Variants in RBMS1 observed in about 807,000 individuals in gnomAD.
RBMS1 encodes RNA-binding motif, single-stranded-interacting protein 1.
Under a neutral mutation model 62.3 loss-of-function variants are expected in RBMS1, and 17 were observed. That is an observed-to-expected ratio of 0.27 (90% CI 0.19 to 0.41). The LOEUF (loss-of-function observed/expected upper bound fraction) is 0.41, where lower values mean the gene tolerates loss of function less well. Ranked by LOEUF, RBMS1 falls within the 10% of genes least tolerant of loss-of-function variation. The pLI is 1.00. For synonymous variants in RBMS1, 172 were observed against 170.0 expected (o/e 1.01, Z -0.09); for missense variants, 334 against 504.5 (o/e 0.66, Z 3.24).
intron 1 of RBMS1, among the ~76,000 whole-genome samples, chr2:160,444,879 A>C (rs541269809): frequency 1.1e-4 from 16 of 152,326 alleles, no homozygotes; most frequent in African/African-American, 3.8e-4. Context: ...CAAGCCAGGA[A>C]GAGCCCTCAC....
chr2:160,487,500 C>T (rs1417428776), intron 1 of RBMS1, among the ~76,000 whole-genome samples: 2 of 152,192 alleles, frequency 1.3e-5, no homozygotes, highest in Non-Finnish European at 2.9e-5. Context: ...GAATGATGTA[C>T]TGGGGTCACT....
intron 1 of RBMS1, among the ~76,000 whole-genome samples, chr2:160,391,636 C>T (rs528749119): frequency 6.6e-6 from 1 of 152,150 alleles, no homozygotes; most frequent in Non-Finnish European, 1.5e-5. Context: ...GGCCTTCTGT[C>T]TCACCACTTC....
intron 1 of RBMS1, among the ~76,000 whole-genome samples, chr2:160,467,583 G>A (rs1278939793): frequency 6.6e-6 from 1 of 152,102 alleles, no homozygotes; most frequent in East Asian, 1.9e-4. Context: ...AAGCTTTTTG[G>A]TCCCACTGGC....
intron 1 of RBMS1, among the ~76,000 whole-genome samples, chr2:160,416,708 T>A (rs1325930641): frequency 1.3e-5 from 2 of 152,116 alleles, no homozygotes; most frequent in Non-Finnish European, 2.9e-5. Flanking sequence ...GTGGAAAGAA[T>A]TATTAAGGGC....
chr2:160,371,405 T>C (rs1242914047), intron 1 of RBMS1, among the ~76,000 whole-genome samples: 2 of 152,170 alleles, frequency 1.3e-5, no homozygotes, highest in Non-Finnish European at 2.9e-5. Flanking sequence ...TTAGGGGACC[T>C]GGTGGCTGGA....
intron 1 of RBMS1, among the ~76,000 whole-genome samples, chr2:160,376,904 G>C (rs755361725): frequency 2.0e-5 from 3 of 152,166 alleles, no homozygotes; most frequent in Non-Finnish European, 4.4e-5. Context: ...TCAGCTTCAA[G>C]AGATCCTCCT....
intron 1 of RBMS1, among the ~76,000 whole-genome samples, chr2:160,429,625 GTTA>G (rs1682805257): frequency 1.3e-5 from 2 of 152,114 alleles, no homozygotes; most frequent in African/African-American, 4.8e-5. Context: ...ATATGCCATG[GTTA>G]TTATGTACAG....
chr2:160,380,254 C>A (rs948109408), intron 1 of RBMS1, among the ~76,000 whole-genome samples: 4 of 152,100 alleles, frequency 2.6e-5, no homozygotes, highest in African/African-American at 9.7e-5. Flanking sequence ...TGACTAGTGA[C>A]GGGGAGCAGC....
intron 6 of RBMS1, among the ~76,000 whole-genome samples, chr2:160,297,792 TG>T (rs769919251): frequency 6.6e-6 from 1 of 152,178 alleles, no homozygotes. Context: ...CACGCTGTGT[TG>T]GGAATACCAT....
intron 2 of RBMS1, among the ~76,000 whole-genome samples, chr2:160,330,820 G>T (rs994796458): frequency 1.3e-5 from 2 of 152,106 alleles, no homozygotes; most frequent in Non-Finnish European, 2.9e-5. Context: ...GAAGTCCTAT[G>T]CCCCAAGACC....
chr2:160,393,408 T>C (rs556970783), intron 1 of RBMS1, among the ~76,000 whole-genome samples: 1 of 152,234 alleles, frequency 6.6e-6, no homozygotes, highest in Non-Finnish European at 1.5e-5. Flanking sequence ...CCTCAGGGCC[T>C]AACACAGTTC....
At chr2:160,319,591 G>A (rs1248183971) in intron 2 of RBMS1, among the ~76,000 whole-genome samples, 1 of 152,128 alleles carries the variant, frequency 6.6e-6, no homozygotes, top group East Asian at 1.9e-4. Flanking sequence ...TGAGTCTCAC[G>A]TTTCCTCATT....
At chr2:160,307,902 T>G (rs758899430) in intron 4 of RBMS1, among the ~76,000 whole-genome samples, 1 of 152,240 alleles carries the variant, frequency 6.6e-6, no homozygotes, top group Non-Finnish European at 1.5e-5. Context: ...TGTGGGGTTC[T>G]TTTTCAACTT....
chr2:160,420,432 T>C (rs1229800172), intron 1 of RBMS1, among the ~76,000 whole-genome samples: 1 of 152,198 alleles, frequency 6.6e-6, no homozygotes, highest in Non-Finnish European at 1.5e-5. Flanking sequence ...TTCCAAGACC[T>C]CTTGCTACAT....
chr2:160,356,902 T>G (rs1483332607), intron 2 of RBMS1, among the ~76,000 whole-genome samples: 1 of 152,192 alleles, frequency 6.6e-6, no homozygotes, highest in East Asian at 1.9e-4. Context: ...AGACAATTTT[T>G]GGCTGCTAGC....
At chr2:160,418,724 G>A (rs1696300863) in intron 1 of RBMS1, among the ~76,000 whole-genome samples, 1 of 152,092 alleles carries the variant, frequency 6.6e-6, no homozygotes. Flanking sequence ...ATTGACTGCA[G>A]GTTGATTAAC....
At chr2:160,388,813 G>A (rs547214385) in intron 1 of RBMS1, among the ~76,000 whole-genome samples, 10 of 152,274 alleles carry the variant, frequency 6.6e-5, no homozygotes, top group Admixed American at 2.6e-4. Context: ...TTGACATGTA[G>A]GGAGTTCCTA....
At chr2:160,383,895 A>G (rs368012935) in intron 1 of RBMS1, among the ~76,000 whole-genome samples, 7 of 152,196 alleles carry the variant, frequency 4.6e-5, no homozygotes, top group Non-Finnish European at 1.0e-4. Context: ...TTGGGGATGG[A>G]GTAAATAAAT....
At chr2:160,411,202 G>T (rs1319922725) in intron 1 of RBMS1, among the ~76,000 whole-genome samples, 1 of 152,180 alleles carries the variant, frequency 6.6e-6, no homozygotes, top group Non-Finnish European at 1.5e-5. Flanking sequence ...CTGAAAAAAT[G>T]AGCAGGACCA....
Sources: gnomAD v4.1 joint callset for allele counts (sites outside exome capture counted in the v4.1 genomes callset) on GRCh38, gnomAD v4.1.1 for gene constraint, MANE v1.5 for transcripts, NCBI Gene and HGNC (gene_info 2026-07-23, HGNC 2026-07-21) for gene names.